Variants in PTPRD observed in about 807,000 individuals in gnomAD.
The protein encoded by PTPRD is protein tyrosine phosphatase receptor type D.
A neutral mutation model predicts 214.5 loss-of-function variants in PTPRD; 34 were observed. That is an observed-to-expected ratio of 0.16 (90% CI 0.12 to 0.21). PTPRD has a LOEUF of 0.21. Among genes scored for constraint, PTPRD ranks in the 10% least tolerant of loss-of-function variants. PTPRD has a pLI of 1.00. For synonymous variants in PTPRD, 1,128 were observed against 845.7 expected, an observed-to-expected ratio of 1.33 and a Z score of -5.79; for missense variants, 2,545 against 2,398.7, an observed-to-expected ratio of 1.06 and a Z score of -1.27.
At chr9:9,053,348 T>A (rs1222411744) in intron 10 of PTPRD, among the ~76,000 whole-genome samples, 1 of 152,070 alleles carries the variant, frequency 6.6e-6, no homozygotes, top group East Asian at 1.9e-4. Flanking sequence ...TTGTTAGTCA[T>A]ATGAGTGCTG....
At chr9:10,050,982 A>T (rs1015577445) in intron 3 of PTPRD, among the ~76,000 whole-genome samples, 5 of 152,170 alleles carry the variant, frequency 3.3e-5, no homozygotes, top group African/African-American at 9.7e-5. Context: ...AAAACTTCCT[A>T]AATAGTGTAA....
chr9:10,050,195 C>T (rs1296515907), intron 3 of PTPRD, among the ~76,000 whole-genome samples: 1 of 151,866 alleles, frequency 6.6e-6, no homozygotes, highest in East Asian at 1.9e-4. Context: ...GAAGACAAAG[C>T]AATTATGTTT....
intron 11 of PTPRD, among the ~76,000 whole-genome samples, chr9:8,855,939 A>C (rs1341726181): frequency 1.3e-5 from 2 of 152,216 alleles, no homozygotes; most frequent in African/African-American, 2.4e-5. Context: ...AGCTGATAGC[A>C]TGAGGGTGAA....
intron 3 of PTPRD, among the ~76,000 whole-genome samples, chr9:10,054,424 A>C (rs1458293142): frequency 1.3e-5 from 2 of 152,158 alleles, no homozygotes; most frequent in Non-Finnish European, 2.9e-5. Context: ...AGATGCCCTT[A>C]AAGTTTCCCT....
At chr9:9,581,390 T>A (rs1185500746) in intron 7 of PTPRD, among the ~76,000 whole-genome samples, 1 of 152,178 alleles carries the variant, frequency 6.6e-6, no homozygotes, top group Non-Finnish European at 1.5e-5. Flanking sequence ...CAAAACCAGA[T>A]AACCTTCTAT....
chr9:10,016,342 T>C (rs142401673), intron 4 of PTPRD, among the ~76,000 whole-genome samples: 3 of 147,184 alleles, frequency 2.0e-5, no homozygotes, highest in East Asian at 2.0e-4. Context: ...GGAAATGAGA[T>C]AGATGATAGA....
intron 6 of PTPRD, among the ~76,000 whole-genome samples, chr9:9,750,330 A>C (rs1367751537): frequency 6.6e-6 from 1 of 152,182 alleles, no homozygotes; most frequent in East Asian, 1.9e-4. Context: ...CCATCCAAAA[A>C]AAAAGAGCTG....
intron 39 of PTPRD, among the ~76,000 whole-genome samples, chr9:8,343,122 A>C (rs1854101195): frequency 6.6e-6 from 1 of 151,538 alleles, no homozygotes; most frequent in Non-Finnish European, 1.5e-5. Flanking sequence ...GTTTGGTATC[A>C]TAGTGGCTGC....
intron 4 of PTPRD, among the ~76,000 whole-genome samples, chr9:9,956,437 C>G (rs2093938980): frequency 6.6e-6 from 1 of 152,042 alleles, no homozygotes; most frequent in South Asian, 2.1e-4. Context: ...TACTTGATTT[C>G]AGAAATCCAG....
At chr9:9,118,318 T>C (rs887756712) in intron 10 of PTPRD, among the ~76,000 whole-genome samples, 2 of 152,200 alleles carry the variant, frequency 1.3e-5, no homozygotes, top group Non-Finnish European at 2.9e-5. Flanking sequence ...CAAACCTGTA[T>C]AGATTCACAA....
intron 10 of PTPRD, among the ~76,000 whole-genome samples, chr9:9,040,588 T>C (rs1384683131): frequency 1.3e-5 from 2 of 152,188 alleles, no homozygotes; most frequent in Non-Finnish European, 2.9e-5. Flanking sequence ...AATTTTTTTT[T>C]TCATAACTGG....
At chr9:10,391,897 C>T (rs538863457) in intron 2 of PTPRD, among the ~76,000 whole-genome samples, 1 of 151,856 alleles carries the variant, frequency 6.6e-6, no homozygotes, top group East Asian at 2.0e-4. Flanking sequence ...CTTGCTATAT[C>T]TATTATCAAG....
intron 3 of PTPRD, among the ~76,000 whole-genome samples, chr9:10,152,164 A>G (rs1564159413): frequency 6.6e-6 from 1 of 152,208 alleles, no homozygotes; most frequent in African/African-American, 2.4e-5. Flanking sequence ...CAAGCAAAGT[A>G]TGAGACTTAC....
At chr9:10,203,644 C>A (rs2099445806) in intron 3 of PTPRD, among the ~76,000 whole-genome samples, 1 of 152,058 alleles carries the variant, frequency 6.6e-6, no homozygotes, top group South Asian at 2.1e-4. Flanking sequence ...TTCCACTATT[C>A]CAAGAAATAA....
intron 3 of PTPRD, among the ~76,000 whole-genome samples, chr9:10,092,164 C>T (rs1182328817): frequency 6.6e-6 from 1 of 151,504 alleles, no homozygotes; most frequent in Non-Finnish European, 1.5e-5. Flanking sequence ...ACCAAACCAC[C>T]TATGCCTCAT....
intron 5 of PTPRD, among the ~76,000 whole-genome samples, chr9:9,805,756 T>C (rs1466964068): frequency 1.3e-5 from 2 of 152,146 alleles, no homozygotes; most frequent in Non-Finnish European, 2.9e-5. Flanking sequence ...AAGAATGACC[T>C]TTCAAACGTT....
rs189338222 is a variant in PTPRD at position 8,519,942 on chromosome 9, G to A, written c.961+1335C>T. On this transcript the variant is annotated intron_variant, in intron 20 of 45. Coordinates refer to ENST00000381196, the MANE Select transcript of PTPRD (RefSeq NM_002839.4). ...AGCTGAAATGGTAATTATAAAAAAG[G>A]TGATTCAATATTTACACACTACTCA... Among the ~76,000 whole-genome samples, 13 of 152,234 alleles carry A rather than the reference G, an allele frequency of 8.5e-5. No homozygotes were observed. The East Asian group carries it at 1.7e-3, about 20-fold the overall frequency.
intron 3 of PTPRD, among the ~76,000 whole-genome samples, chr9:10,116,164 A>G (rs2098729548): frequency 6.6e-6 from 1 of 152,106 alleles, no homozygotes; most frequent in Non-Finnish European, 1.5e-5. Flanking sequence ...CATTAAGACC[A>G]TAGGAGGTTT....
At chr9:10,189,386 C>G (rs985522280) in intron 3 of PTPRD, among the ~76,000 whole-genome samples, 2 of 152,138 alleles carry the variant, frequency 1.3e-5, no homozygotes, top group Non-Finnish European at 2.9e-5. Context: ...GAATTCCTTA[C>G]ACGGGGCTAT....
Sources: gnomAD v4.1 joint callset for allele counts (sites outside exome capture counted in the v4.1 genomes callset) on GRCh38, gnomAD v4.1.1 for gene constraint, MANE v1.5 for transcripts, NCBI Gene and HGNC (gene_info 2026-07-23, HGNC 2026-07-21) for gene names.